Variants in RUFY3 observed in about 807,000 individuals in gnomAD.
The protein encoded by RUFY3 is protein RUFY3.
In RUFY3, 34 loss-of-function variants were observed where a neutral mutation model predicts 84.0. That is an observed-to-expected ratio of 0.40 (90% CI 0.31 to 0.54). The LOEUF (loss-of-function observed/expected upper bound fraction) is 0.54. Ranked by LOEUF, RUFY3 falls within the 20% of genes least tolerant of loss-of-function variation. RUFY3 has a pLI of 0.39. For synonymous variants in RUFY3, 242 were observed against 252.9 expected, an observed-to-expected ratio of 0.96 and a Z score of 0.41; for missense variants, 507 against 736.8, an observed-to-expected ratio of 0.69 and a Z score of 3.61.
At chr4:70,806,386 T>C (rs1578277285) in intron 17 of RUFY3, 130 bp from the exon 18 acceptor site, 2 of 1,055,420 alleles carry the variant, frequency 1.9e-6, no homozygotes, top group East Asian at 4.8e-5. Flanking sequence ...AGATACTACC[T>C]GGCACATAGT....
At chr4:70,789,409 C>A (rs918782833) in intron 11 of RUFY3, 86 bp from the exon 12 acceptor site, 2 of 1,243,962 alleles carry the variant, frequency 1.6e-6, no homozygotes, top group Non-Finnish European at 1.1e-6. Flanking sequence ...TCTGTTTTCC[C>A]ACTTACCATT....
chr4:70,768,682 C>G (rs770134125), intron 5 of RUFY3, 21 bp downstream of exon 5: 5 of 1,611,066 alleles, frequency 3.1e-6, no homozygotes, highest in South Asian at 2.2e-5. Context: ...GAGACTCATT[C>G]CCATGGGTGT....
At chr4:70,777,203 C>T (rs1728112559) in intron 7 of RUFY3, among the ~76,000 whole-genome samples, 1 of 152,124 alleles carries the variant, frequency 6.6e-6, no homozygotes, top group Admixed American at 6.5e-5. Context: ...ATTTTTGAAC[C>T]ACAGTTGAGT....
At chr4:70,731,810 AC>A (rs1222283690) in intron 1 of RUFY3, among the ~76,000 whole-genome samples, 2 of 151,992 alleles carry the variant, frequency 1.3e-5, no homozygotes, top group African/African-American at 4.8e-5. Context: ...TCAAGCGATC[AC>A]CCGCCTCAGC....
intron 15 of RUFY3, among the ~76,000 whole-genome samples, chr4:70,801,679 C>T (rs191646384): frequency 1.3e-5 from 2 of 152,334 alleles, no homozygotes; most frequent in East Asian, 3.9e-4. Context: ...AGAGAAAACA[C>T]ACAGTCCAAT....
chr4:70,749,974 T>C (rs972044788), intron 1 of RUFY3, among the ~76,000 whole-genome samples: 1 of 151,846 alleles, frequency 6.6e-6, no homozygotes, highest in Admixed American at 6.6e-5. Context: ...ACTTTTACTT[T>C]AAATTTTTTA....
rs1453780260 is a variant in RUFY3, at chr4:70,803,039, C to T, written c.1650+56C>T. The T allele has an allele frequency of 3.7e-6, 5 of 1,349,942 alleles. No individual in the cohort carries two copies. The African/African-American group carries it at 4.4e-5, about 12-fold the overall frequency. 83.6% of individuals were successfully genotyped at this position (1,349,942 alleles called of 1,614,324 possible). A position where few individuals can be genotyped will look rare whatever the true frequency, so the allele number is the denominator to read the frequency against. On this transcript the variant is annotated intron_variant, in intron 16 of 17. Transcript: ENST00000381006. The stretch of plus-strand genomic sequence containing the variant: ...GTATGAATTATGAAGTTGGTTGTAC[C>T]GTGCCTAGCCAGCAAATAAGGTAGC...
intron 1 of RUFY3, among the ~76,000 whole-genome samples, chr4:70,732,354 G>A (rs1266939907): frequency 1.3e-5 from 2 of 152,178 alleles, no homozygotes; most frequent in East Asian, 1.9e-4. Context: ...ACTATTTATC[G>A]TAGATATCCA....
At chr4:70,792,131 C>T (rs1730925499) in intron 12 of RUFY3, 1 of 985,378 alleles carries the variant, frequency 1.0e-6, no homozygotes, top group Admixed American at 6.2e-5. Flanking sequence ...CTCCTATTAA[C>T]AAAAAATGAT....
chr4:70,770,002 A>G (rs1339725620), intron 5 of RUFY3, among the ~76,000 whole-genome samples: 1 of 152,078 alleles, frequency 6.6e-6, no homozygotes, highest in Non-Finnish European at 1.5e-5. Context: ...TTTTATTTAT[A>G]GTAGAGATGG....
At chr4:70,752,639 C>T (rs1242749085) in intron 1 of RUFY3, among the ~76,000 whole-genome samples, 1 of 152,176 alleles carries the variant, frequency 6.6e-6, no homozygotes, top group East Asian at 1.9e-4. Context: ...TGGAACTTGT[C>T]AAGTACTTTG....
intron 4 of RUFY3, among the ~76,000 whole-genome samples, chr4:70,764,842 G>T (rs1225939509): frequency 6.6e-6 from 1 of 152,098 alleles, no homozygotes; most frequent in African/African-American, 2.4e-5. Flanking sequence ...CTTAGCATGT[G>T]CCCAGGCTCA....
intron 1 of RUFY3, among the ~76,000 whole-genome samples, chr4:70,706,101 C>CACAG (rs1740308853): frequency 1.3e-5 from 2 of 152,094 alleles, no homozygotes; most frequent in Admixed American, 1.3e-4. Flanking sequence ...GAGTAGGGCC[C>CACAG]TAGAGTCGTC....
exon 1 of RUFY3, chr4:70,704,836 C>T: frequency 1.3e-6 from 1 of 781,214 alleles, no homozygotes; most frequent in Non-Finnish European, 1.7e-6. Context: ...GCGGCGGCGG[C>T]GCAGCGGACG....
chr4:70,714,367 G>A (rs535201058), intron 1 of RUFY3, among the ~76,000 whole-genome samples: 21 of 152,156 alleles, frequency 1.4e-4, no homozygotes, highest in South Asian at 4.1e-4. Flanking sequence ...TGTAAAAAAC[G>A]CTGAATAGGT....
chr4:70,744,879 T>G (rs954200395), intron 1 of RUFY3, among the ~76,000 whole-genome samples: 1 of 152,056 alleles, frequency 6.6e-6, no homozygotes, highest in African/African-American at 2.4e-5. Context: ...GGTCTCGAAC[T>G]CCTGGCCTCA....
At chr4:70,752,521 T>C (rs543380885) in intron 1 of RUFY3, among the ~76,000 whole-genome samples, 3 of 152,356 alleles carry the variant, frequency 2.0e-5, no homozygotes, top group South Asian at 2.1e-4. Context: ...CCTTCAGTCT[T>C]TTGCCATCAA....
chr4:70,744,084 T>C (rs1439156763), intron 1 of RUFY3, among the ~76,000 whole-genome samples: 3 of 152,248 alleles, frequency 2.0e-5, no homozygotes, highest in African/African-American at 7.2e-5. Flanking sequence ...GCTGATGATA[T>C]ATGCAGGCTC....
At chr4:70,773,019 TGAA>T (rs1727248936) in intron 5 of RUFY3, among the ~76,000 whole-genome samples, 1 of 152,178 alleles carries the variant, frequency 6.6e-6, no homozygotes, top group African/African-American at 2.4e-5. Flanking sequence ...TCTTGAAAAA[TGAA>T]GACGTGTACA....
Sources: gnomAD v4.1 joint callset for allele counts (sites outside exome capture counted in the v4.1 genomes callset) on GRCh38, gnomAD v4.1.1 for gene constraint, MANE v1.5 for transcripts, NCBI Gene and HGNC (gene_info 2026-07-23, HGNC 2026-07-21) for gene names.